UBE2J2: variants seen among roughly 807,000 people sequenced by gnomAD.
UBE2J2 encodes ubiquitin conjugating enzyme E2 J2.
Under a neutral mutation model 28.6 loss-of-function variants are expected in UBE2J2, and 5 were observed. The ratio of observed to expected loss-of-function variants is 0.17; its 90% CI spans 0.09 to 0.37. The LOEUF is 0.37. UBE2J2 is among the 10% of genes least tolerant of loss of function. UBE2J2 has a pLI of 1.00. For missense variants in UBE2J2, 226 were observed against 338.9 expected (o/e 0.67, Z 2.62); for synonymous variants, 138 against 139.7 (o/e 0.99, Z 0.09).
chr1:1,267,468 G>A (rs372183909), intron 2 of UBE2J2, among the ~76,000 whole-genome samples: 2 of 152,166 alleles, frequency 1.3e-5, no homozygotes, highest in South Asian at 4.1e-4. Context: ...GTCTAGAAAG[G>A]CAGTTTCTCC....
rs889360833 is a variant in UBE2J2 at position 1,263,393 on chromosome 1, G to A, written c.132-7C>T. On this transcript the variant is annotated splice_region_variant and splice_polypyrimidine_tract_variant and intron_variant, in intron 2 of 6. Coordinates refer to ENST00000349431, the MANE Select transcript of UBE2J2 (RefSeq NM_058167.3). The stretch of plus-strand genomic sequence containing the variant: ...GCCTCGGACGACATAGTGCCTAAGG[G>A]AGAGAAGAAAATTACTTGGGATTTG... 2 of 1,612,354 alleles carry A rather than the reference G, an allele frequency of 1.2e-6. No homozygotes were observed. Among genetic ancestry groups the A allele is most frequent in the Non-Finnish European group, 1.7e-6 (2 of 1,178,650 alleles).
chr1:1,263,169 C>G, intron 3 of UBE2J2, 177 bp downstream of exon 3: 1 of 637,074 alleles, frequency 1.6e-6, no homozygotes, highest in South Asian at 1.7e-5. Flanking sequence ...ATCAGCAGAG[C>G]AAACACTTCC....
intron 5 of UBE2J2, 63 bp from the exon 6 acceptor site, chr1:1,256,188 A>C: frequency 1.6e-6 from 2 of 1,277,908 alleles, no homozygotes; most frequent in Middle Eastern, 3.7e-4. Flanking sequence ...GATTCTAAAA[A>C]CAGATGATTT....
chr1:1,258,188 C>T (rs1194950065), intron 3 of UBE2J2, among the ~76,000 whole-genome samples: 3 of 147,688 alleles, frequency 2.0e-5, no homozygotes, highest in South Asian at 2.2e-4. Context: ...TATAGGCGCG[C>T]GCCACCACAC....
chr1:1,267,406 A>G (rs1639931963), intron 2 of UBE2J2, among the ~76,000 whole-genome samples: 1 of 152,176 alleles, frequency 6.6e-6, no homozygotes, highest in Non-Finnish European at 1.5e-5. Context: ...AGTCCTGTCA[A>G]ATACTCCAAG....
chr1:1,256,485 AAGACCGAG>A (rs1249682982), intron 5 of UBE2J2: 1 of 250,948 alleles, frequency 4.0e-6, no homozygotes, highest in Non-Finnish European at 7.7e-6. Context: ...GGATAAAAGC[AAGACCGAG>A]AGGCAGCGGG....
Position 1,271,138 on chromosome 1 carries a change from G to C in UBE2J2, c.-1+2528C>G, listed in dbSNP as rs180985912. 2.0e-3 allele frequency among the ~76,000 whole-genome samples: 311 copies of C among 152,348 alleles called. 1 individual carries two copies. Among genetic ancestry groups the C allele is most frequent in the African/African-American group, 7.0e-3 (291 of 41,588 alleles). ...CCCAGCGGGTTCCTCTGCCTAAGGA[G>C]TGCCTCCCCAGGAGGGCCCCCACCA... is the stretch of plus-strand genomic sequence containing the variant. On this transcript the variant is annotated intron_variant, in intron 1 of 6. Coordinates refer to ENST00000349431, the MANE Select transcript of UBE2J2 (RefSeq NM_058167.3).
chr1:1,263,477 C>A lies in UBE2J2; in HGVS notation c.132-91G>T, dbSNP rs1020005777. 7 of 1,126,350 alleles carry A rather than the reference C, an allele frequency of 6.2e-6. No homozygotes were observed. In the African/African-American group the frequency reaches 7.7e-5, roughly 12 times the overall value. The allele number at this position is 1,126,350 out of a possible 1,614,324, so 69.8% of individuals were successfully genotyped here. ...CAAGCCTGGGGTTTATAGAACCCAG[C>A]CAAAATTACATTCACATTCAGGCAG... On this transcript the variant is annotated intron_variant, in intron 2 of 6. Coordinates refer to ENST00000349431, the MANE Select transcript of UBE2J2 (RefSeq NM_058167.3).
intron 1 of UBE2J2, among the ~76,000 whole-genome samples, chr1:1,270,726 T>TCCCC (rs1337222666): frequency 6.6e-6 from 1 of 151,564 alleles, no homozygotes; most frequent in East Asian, 1.9e-4. Flanking sequence ...GATCACCCAC[T>TCCCC]CCCCCATCCA....
chr1:1,264,458 G>C (rs1324152227), intron 2 of UBE2J2, among the ~76,000 whole-genome samples: 1 of 152,112 alleles, frequency 6.6e-6, no homozygotes, highest in Non-Finnish European at 1.5e-5. Context: ...TCTGCCCCAG[G>C]ACATGTGTGC....
intron 1 of UBE2J2, chr1:1,273,325 G>A (rs1458985900): frequency 1.3e-5 from 2 of 152,250 alleles, no homozygotes. Context: ...GGCGACGGCG[G>A]GCTCGACGGC....
chr1:1,259,436 G>A (rs945464699), intron 3 of UBE2J2, among the ~76,000 whole-genome samples: 1 of 152,212 alleles, frequency 6.6e-6, no homozygotes, highest in African/African-American at 2.4e-5. Flanking sequence ...GGCTCCCTGT[G>A]CACAGCCCTG....
At chr1:1,261,503 C>T (rs974035158) in intron 3 of UBE2J2, among the ~76,000 whole-genome samples, 10 of 152,238 alleles carry the variant, frequency 6.6e-5, no homozygotes, top group African/African-American at 2.4e-4. Context: ...CCACCAGCAA[C>T]TGACCTAGCT....
chr1:1,263,149 G>T, intron 3 of UBE2J2, 197 bp downstream of exon 3: 1 of 605,428 alleles, frequency 1.7e-6, no homozygotes, highest in Non-Finnish European at 3.0e-6. Flanking sequence ...GGCCCTGCAG[G>T]CTGAGACACA....
chr1:1,267,856 C>T lies in UBE2J2; in HGVS notation c.131+6G>A. ...GCGCAGGGCGATCAGTGGCGCGGAGCCTTACCACTCGAGAATATTCGAAGG... is the reference window on the plus strand; with the variant it reads ...GCGCAGGGCGATCAGTGGCGCGGAGTCTTACCACTCGAGAATATTCGAAGG... On this transcript the variant is annotated splice_donor_region_variant and intron_variant, in intron 2 of 6. Transcript: ENST00000349431. The T allele has an allele frequency of 6.2e-7, 1 of 1,613,704 alleles. No individual in the cohort carries two copies. The highest frequency in any genetic ancestry group is 8.5e-7 in the Non-Finnish European group (1 of 1,179,768).
intron 1 of UBE2J2, among the ~76,000 whole-genome samples, chr1:1,269,496 C>T (rs1381171854): frequency 1.3e-5 from 2 of 149,226 alleles, no homozygotes; most frequent in African/African-American, 2.5e-5. Context: ...TCTCACTGTT[C>T]GTTGCCCAGG....
intron 1 of UBE2J2, among the ~76,000 whole-genome samples, chr1:1,270,814 C>T (rs1382008890): frequency 6.6e-6 from 1 of 152,098 alleles, no homozygotes; most frequent in East Asian, 1.9e-4. Context: ...CAGAGGCAGC[C>T]CCAGCCAGCC....
chr1:1,264,954 T>C (rs531890227), intron 2 of UBE2J2: 14 of 153,090 alleles, frequency 9.1e-5, no homozygotes, highest in African/African-American at 3.4e-4. Context: ...AATGGGATGA[T>C]GTATCAGCAG....
chr1:1,257,264 G>A lies in UBE2J2; in HGVS notation c.219C>T (p.Phe73=), dbSNP rs372434068. 2 of 1,612,952 alleles carry A rather than the reference G, an allele frequency of 1.2e-6. No individual in the cohort carries two copies. The highest frequency in any genetic ancestry group is 1.3e-5 in the African/African-American group (1 of 74,796). Residue 73 remains phenylalanine, a synonymous_variant, in exon 4 of 7, where the codon TTC becomes TTT. Coordinates refer to ENST00000349431, the MANE Select transcript of UBE2J2 (RefSeq NM_058167.3). ...TGATCATATAGATACTGGGAGGTTT[G>A]AAAGGAAATTCTCTGGGAAAAATTA... is the stretch of plus-strand genomic sequence containing the variant. ...GKLIFPREFP[F]KPPSIYMITP... is the part of the protein sequence containing the mutation.
Sources: allele counts gnomAD v4.1 joint callset (sites outside exome capture counted in the v4.1 genomes callset), GRCh38; gene constraint gnomAD v4.1.1; transcripts MANE v1.5; gene names NCBI Gene and HGNC (gene_info 2026-07-23, HGNC 2026-07-21).